The following SORCS1 variants were observed in gnomAD, a reference collection of about 807,000 sequenced individuals.
SORCS1 encodes the protein VPS10 domain-containing receptor SorCS1.
Under a neutral mutation model 146.1 loss-of-function variants are expected in SORCS1, and 60 were observed. The observed-to-expected ratio is 0.41, with a 90% confidence interval of 0.33 to 0.51. The LOEUF (loss-of-function observed/expected upper bound fraction) is 0.51, where lower values mean the gene tolerates loss of function less well. Ranked by LOEUF, SORCS1 falls within the 20% of genes least tolerant of loss-of-function variation. The pLI, the probability that SORCS1 is intolerant of heterozygous loss-of-function variation, is 0.21. For synonymous variants in SORCS1, 637 were observed against 584.0 expected (o/e 1.09, Z -1.31); for missense variants, 1,352 against 1,487.6 (o/e 0.91, Z 1.50).
intron 1 of SORCS1, among the ~76,000 whole-genome samples, chr10:107,013,627 T>C (rs1957772793): frequency 6.6e-6 from 1 of 152,170 alleles, no homozygotes; most frequent in Non-Finnish European, 1.5e-5. Context: ...AAGAGCTCTT[T>C]AGGGATATTT....
intron 18 of SORCS1, among the ~76,000 whole-genome samples, chr10:106,634,066 C>T (rs1535397): frequency 0.83 from 126,803 of 152,200 alleles, 53,881 homozygotes; most frequent in Non-Finnish European, 0.93. Flanking sequence ...AGCTTTAGGA[C>T]TGTAAGTACT....
intron 2 of SORCS1, among the ~76,000 whole-genome samples, chr10:106,927,912 G>A (rs11193115): frequency 0.55 from 83,166 of 151,666 alleles, 23,820 homozygotes; most frequent in Non-Finnish European, 0.63. Flanking sequence ...GTAGCTGGAT[G>A]CAAAGTGTCC....
intron 1 of SORCS1, among the ~76,000 whole-genome samples, chr10:106,990,283 T>C (rs1344887359): frequency 6.6e-6 from 1 of 152,108 alleles, no homozygotes; most frequent in Non-Finnish European, 1.5e-5. Context: ...CAAATTTTTC[T>C]TTTTTTGAGA....
intron 18 of SORCS1, among the ~76,000 whole-genome samples, chr10:106,643,713 C>T (rs1356515480): frequency 6.6e-6 from 1 of 152,196 alleles, no homozygotes; most frequent in Admixed American, 6.5e-5. Flanking sequence ...ATCTTCGAAC[C>T]AGATTCCCCA....
In SORCS1 at chr10:106,908,539, C is replaced by T. The variant is rs11817262; in HGVS notation, c.626+47974G>A. 4.1e-3 allele frequency among the ~76,000 whole-genome samples: 619 copies of T among 152,266 alleles called. 6 individuals carry two copies. Among genetic ancestry groups the T allele is most frequent in the African/African-American group, 0.015 (608 of 41,554 alleles). ...GCTGGTGTGGATGACAGAACTTTCT[C>T]GGATTCAGCCACAGCTGAAGAGAGC... On this transcript the variant is annotated intron_variant, in intron 2 of 25. Coordinates refer to ENST00000263054, the MANE Select transcript of SORCS1 (RefSeq NM_052918.5).
At chr10:106,655,913 GGCT>G (rs1850248267) in intron 17 of SORCS1, among the ~76,000 whole-genome samples, 1 of 152,086 alleles carries the variant, frequency 6.6e-6, no homozygotes, top group South Asian at 2.1e-4. Context: ...TATTAAATGG[GGCT>G]GCTACCTCCG....
chr10:107,066,339 T>C (rs971158287), intron 1 of SORCS1, among the ~76,000 whole-genome samples: 8 of 152,214 alleles, frequency 5.3e-5, no homozygotes, highest in African/African-American at 1.9e-4. Flanking sequence ...AGAAAACTAC[T>C]CTGTGAGTTG....
At chr10:106,788,364 C>T (rs750553405) in intron 3 of SORCS1, among the ~76,000 whole-genome samples, 9 of 152,170 alleles carry the variant, frequency 5.9e-5, no homozygotes, top group Non-Finnish European at 1.2e-4. Flanking sequence ...AAAGTCTCAA[C>T]TCATTTCAGC....
At chr10:106,578,400 A>T (rs1327356303) in intron 25 of SORCS1, 1 of 152,614 alleles carries the variant, frequency 6.6e-6, no homozygotes, top group Admixed American at 6.5e-5. Flanking sequence ...GGTAAGGGAC[A>T]GTCTAAAAAG....
chr10:106,733,388 A>C (rs2136038471), intron 5 of SORCS1, among the ~76,000 whole-genome samples: 1 of 152,300 alleles, frequency 6.6e-6, no homozygotes, highest in African/African-American at 2.4e-5. Context: ...ATAAAGAATT[A>C]TTGCTGCTTT....
intron 3 of SORCS1, among the ~76,000 whole-genome samples, chr10:106,794,451 T>C (rs1214583983): frequency 6.6e-6 from 1 of 151,882 alleles, no homozygotes; most frequent in Non-Finnish European, 1.5e-5. Flanking sequence ...GAAATATTCC[T>C]CACTTCCTAC....
intron 20 of SORCS1, 85 bp from the exon 21 acceptor site, chr10:106,618,357 G>A (rs2133472882): frequency 5.9e-6 from 9 of 1,530,876 alleles, no homozygotes; most frequent in East Asian, 2.3e-5. Flanking sequence ...ACAATAGGCT[G>A]TCTAACCCAG....
intron 3 of SORCS1, among the ~76,000 whole-genome samples, chr10:106,827,567 A>C (rs371883511): frequency 1.3e-5 from 2 of 152,350 alleles, no homozygotes; most frequent in African/African-American, 4.8e-5. Context: ...AAATTTGCTA[A>C]AAATGTGAAC....
chr10:106,777,539 C>T (rs955821671), intron 3 of SORCS1, among the ~76,000 whole-genome samples: 2 of 152,184 alleles, frequency 1.3e-5, no homozygotes. Context: ...CTCTCTAAAA[C>T]TCTCTGAAAG....
intron 23 of SORCS1, among the ~76,000 whole-genome samples, chr10:106,598,683 A>G (rs936275959): frequency 1.3e-5 from 2 of 152,158 alleles, no homozygotes; most frequent in African/African-American, 2.4e-5. Flanking sequence ...TCTGCTAATT[A>G]AATTCTTAAT....
At chr10:107,065,609 CAGG>C (rs551201110) in intron 1 of SORCS1, among the ~76,000 whole-genome samples, 108 of 151,672 alleles carry the variant, frequency 7.1e-4, no homozygotes, top group African/African-American at 2.5e-3. Context: ...CTTTCGCCTC[CAGG>C]GCTCAAGCGA....
chr10:106,998,914 T>A (rs887626307), intron 1 of SORCS1, among the ~76,000 whole-genome samples: 1 of 152,232 alleles, frequency 6.6e-6, no homozygotes, highest in Admixed American at 6.5e-5. Flanking sequence ...TTAAGAAGTA[T>A]GTCCTTGTAT....
At chr10:106,704,113 G>A (rs1443289559) in intron 8 of SORCS1, among the ~76,000 whole-genome samples, 2 of 152,148 alleles carry the variant, frequency 1.3e-5, no homozygotes, top group Non-Finnish European at 2.9e-5. Context: ...GCAATGCAAA[G>A]TATCTGTTTC....
chr10:106,811,785 G>T (rs1413291223), intron 3 of SORCS1, among the ~76,000 whole-genome samples: 1 of 152,076 alleles, frequency 6.6e-6, no homozygotes, highest in Non-Finnish European at 1.5e-5. Context: ...GGCACCCTTG[G>T]GGAAATAATT....
Sources: gnomAD v4.1 joint callset for allele counts (sites outside exome capture counted in the v4.1 genomes callset) on GRCh38, gnomAD v4.1.1 for gene constraint, MANE v1.5 for transcripts, NCBI Gene and HGNC (gene_info 2026-07-23, HGNC 2026-07-21) for gene names.